The following NPTN variants were observed in gnomAD, a reference collection of about 807,000 sequenced individuals.
The protein encoded by NPTN is SDR-1.
NPTN carries 5 observed loss-of-function variants against 42.7 expected under a neutral mutation model. That is an observed-to-expected ratio of 0.12 (90% CI 0.06 to 0.25). The LOEUF (loss-of-function observed/expected upper bound fraction) is 0.25. NPTN is among the 10% of genes least tolerant of loss of function. The probability of loss-of-function intolerance (pLI) is 1.00; values close to 1 mark genes in which losing one functional copy is unlikely to be tolerated. For synonymous variants in NPTN, 180 were observed against 201.9 expected (o/e 0.89, Z 0.92); for missense variants, 307 against 525.4 (o/e 0.58, Z 4.06).
Position 73,561,941 on chromosome 15 carries a change from T to C in NPTN, c.1166A>G (p.Asp389Gly). 1 of 1,596,872 alleles carries C rather than the reference T, an allele frequency of 6.3e-7. No individual in the cohort carries two copies. The highest frequency in any genetic ancestry group is 8.5e-7 in the Non-Finnish European group (1 of 1,175,560). ...TGTGTTTCTCTGGCGCAAGTTTTTATCTTTGTGATTGTTGGTAGAGTTGGT... is the reference window on the plus strand; with the variant it reads ...TGTGTTTCTCTGGCGCAAGTTTTTACCTTTGTGATTGTTGGTAGAGTTGGT... ...MKTNSTNNHKDKNLRQRNTN is the reference protein window; with the variant it reads ...MKTNSTNNHKGKNLRQRNTN Residue 389 changes from aspartate (D) to glycine (G), a missense_variant, in exon 8 of 9, where the codon GAT becomes GGT. Physicochemically the swap from Asp to Gly is moderately conservative, Grantham distance 94 (BLOSUM62 -1). Coordinates refer to ENST00000345330, the MANE Select transcript of NPTN (RefSeq NM_012428.4).
At position 73,570,662 on chromosome 15, in the gene NPTN, G is replaced by C. The variant is rs1025639325; in HGVS notation, c.841-239C>G. 1.3e-5 allele frequency among the ~76,000 whole-genome samples: 2 copies of C among 152,220 alleles called. No individual in the cohort carries two copies. Among genetic ancestry groups the C allele is most frequent in the African/African-American group, 2.4e-5 (1 of 41,470 alleles). The stretch of plus-strand genomic sequence containing the variant: ...CTTCCCCGACTTCCACGAAGTGAGT[G>C]CAGGTCCTACTGCCTGGAGACTCAG... On this transcript the variant is annotated intron_variant, in intron 5 of 8. Transcript: ENST00000345330. The surrounding 1 kb of genome is among the most constrained non-coding windows in gnomAD (Gnocchi z 4.0).
chr15:73,612,022 T>A (rs548423114), intron 1 of NPTN, among the ~76,000 whole-genome samples: 1 of 152,320 alleles, frequency 6.6e-6, no homozygotes, highest in East Asian at 1.9e-4. Flanking sequence ...TGGAATTTTT[T>A]AAATGATACA....
At chr15:73,573,618 G>A (rs753004170) in intron 5 of NPTN, 44 bp downstream of exon 5, 35 of 1,523,312 alleles carry the variant, frequency 2.3e-5, no homozygotes, top group Non-Finnish European at 3.0e-5. Flanking sequence ...ACCTCTGCAG[G>A]GAAAACTCCA....
At chr15:73,586,888 G>A (rs548875193) in intron 4 of NPTN, among the ~76,000 whole-genome samples, 2 of 152,192 alleles carry the variant, frequency 1.3e-5, no homozygotes, top group African/African-American at 4.8e-5. Flanking sequence ...CACTTTTCTG[G>A]GTCTCAGATG....
In NPTN at chr15:73,633,381, C is replaced by A. The variant is rs970562642; in HGVS notation, c.-166G>T. On this transcript the variant is annotated 5_prime_UTR_variant, in exon 1 of 9. Coordinates refer to ENST00000345330, the MANE Select transcript of NPTN (RefSeq NM_012428.4). Reference sequence around the variant, plus strand: ...CGTCCTCCTCCTGCCGCCGCAGCGCCCAGGCCTCGCGAGACCTTCGCTCCG... The same window carrying A: ...CGTCCTCCTCCTGCCGCCGCAGCGCACAGGCCTCGCGAGACCTTCGCTCCG... The A allele has an allele frequency of 1.2e-5, 6 of 488,762 alleles. No homozygotes were observed. Among genetic ancestry groups the A allele is most frequent in the Non-Finnish European group, 3.5e-6 (1 of 287,998 alleles). The allele number at this position is 488,762 out of a possible 1,614,324, so 30.3% of individuals were successfully genotyped here.
chr15:73,591,019 A>C (rs1800554985), intron 3 of NPTN, among the ~76,000 whole-genome samples: 1 of 152,186 alleles, frequency 6.6e-6, no homozygotes, highest in Non-Finnish European at 1.5e-5. Context: ...AGAAAATCAG[A>C]AGACCTGGAA....
intron 1 of NPTN, among the ~76,000 whole-genome samples, chr15:73,606,561 C>T (rs1897304116): frequency 6.6e-6 from 1 of 152,140 alleles, no homozygotes; most frequent in Admixed American, 6.5e-5. Context: ...GAAACCCTTA[C>T]ATATTTAAGC....
intron 5 of NPTN, among the ~76,000 whole-genome samples, chr15:73,572,335 G>A (rs9920359): frequency 0.41 from 63,061 of 152,022 alleles, 13,593 homozygotes; most frequent in South Asian, 0.52. Flanking sequence ...TCAGAGGAAC[G>A]CTTGACACGC....
intron 1 of NPTN, among the ~76,000 whole-genome samples, chr15:73,615,468 C>A (rs939499491): frequency 1.3e-5 from 2 of 152,154 alleles, no homozygotes; most frequent in Non-Finnish European, 2.9e-5. Flanking sequence ...TGGCAGTATA[C>A]TTCCAGAGCT....
rs74650445 is a variant in NPTN at position 73,609,005 on chromosome 15, G to A, written c.92-11636C>T. On this transcript the variant is annotated intron_variant, in intron 1 of 8. Coordinates refer to ENST00000345330, the MANE Select transcript of NPTN (RefSeq NM_012428.4). ...ACTTGGGAATCATCAGCTTATGGAC[G>A]TTGAAGCCATGGGAGGAGATGAGCT... Among the ~76,000 whole-genome samples the A allele has an allele frequency of 1.1e-3, 170 of 152,262 alleles. 1 individual carries two copies. Among genetic ancestry groups the A allele is most frequent in the African/African-American group, 3.9e-3 (162 of 41,538 alleles).
chr15:73,585,195 C>T (rs1177230480), intron 4 of NPTN, among the ~76,000 whole-genome samples: 1 of 152,134 alleles, frequency 6.6e-6, no homozygotes, highest in African/African-American at 2.4e-5. Context: ...CAGTTAAAGC[C>T]ACACAGGAAG....
chr15:73,619,913 T>C (rs1898052446), intron 1 of NPTN, among the ~76,000 whole-genome samples: 1 of 152,226 alleles, frequency 6.6e-6, no homozygotes, highest in Non-Finnish European at 1.5e-5. Flanking sequence ...TGTACTGTAC[T>C]GGGCATTGTA....
chr15:73,614,128 C>G (rs981681262), intron 1 of NPTN, among the ~76,000 whole-genome samples: 9 of 148,666 alleles, frequency 6.1e-5, no homozygotes, highest in Non-Finnish European at 1.2e-4. Context: ...CCAAGGTAAC[C>G]AGACAAAACC....
At chr15:73,622,248 T>A (rs948257930) in intron 1 of NPTN, among the ~76,000 whole-genome samples, 1 of 152,150 alleles carries the variant, frequency 6.6e-6, no homozygotes, top group Non-Finnish European at 1.5e-5. Flanking sequence ...CTAAATCAGG[T>A]GGTTACAATT....
At chr15:73,610,492 A>C (rs926538220) in intron 1 of NPTN, among the ~76,000 whole-genome samples, 30 of 152,344 alleles carry the variant, frequency 2.0e-4, no homozygotes, top group African/African-American at 6.7e-4. Flanking sequence ...ATTTCACTTA[A>C]CATGGAATGC....
chr15:73,582,335 T>C (rs1346564203), intron 4 of NPTN, among the ~76,000 whole-genome samples: 6 of 152,192 alleles, frequency 3.9e-5, no homozygotes, highest in Non-Finnish European at 8.8e-5. Flanking sequence ...AATGAACACT[T>C]GGCTGACGGC....
intron 4 of NPTN, 48 bp from the exon 5 acceptor site, chr15:73,573,843 A>T: frequency 1.3e-6 from 2 of 1,594,474 alleles, no homozygotes; most frequent in Non-Finnish European, 1.7e-6. Context: ...TACTCCAAAC[A>T]GGATACAAAG....
chr15:73,619,390 TATATC>T (rs1898020523), intron 1 of NPTN, among the ~76,000 whole-genome samples: 1 of 152,204 alleles, frequency 6.6e-6, no homozygotes, highest in Non-Finnish European at 1.5e-5. Context: ...AAGAAAATAA[TATATC>T]ATAGTTTCCT....
At position 73,597,974 on chromosome 15, in the gene NPTN, C is replaced by T. The variant is rs898554899; in HGVS notation, c.92-605G>A. 1.3e-5 allele frequency among the ~76,000 whole-genome samples: 2 copies of T among 152,156 alleles called. No individual in the cohort carries two copies. The highest frequency in any genetic ancestry group is 2.9e-5 in the Non-Finnish European group (2 of 68,026). On this transcript the variant is annotated intron_variant, in intron 1 of 8. Transcript: ENST00000345330. The surrounding 1 kb of genome is among the most constrained non-coding windows in gnomAD (Gnocchi z 6.3). ...CTCACACAGGATTCTATCCTGGGTT[C>T]GATTAGACTTTCTCCACCTCCTATT...
Sources: gnomAD v4.1 joint callset for allele counts (sites outside exome capture counted in the v4.1 genomes callset) on GRCh38, gnomAD v4.1.1 for gene constraint, Gnocchi (gnomAD v3.1) non-coding constraint, MANE v1.5 for transcripts, NCBI Gene and HGNC (gene_info 2026-07-23, HGNC 2026-07-21) for gene names.